The following SRGAP3 variants were observed in gnomAD, a reference collection of about 807,000 sequenced individuals.
SRGAP3 encodes SLIT-ROBO Rho GTPase-activating protein 3.
A neutral mutation model predicts 121.1 loss-of-function variants in SRGAP3; 39 were observed. That is an observed-to-expected ratio of 0.32 (90% CI 0.25 to 0.42). SRGAP3 has a LOEUF of 0.42. Among genes scored for constraint, SRGAP3 ranks in the 10% least tolerant of loss-of-function variants. SRGAP3 has a pLI of 1.00. For synonymous variants in SRGAP3, 601 were observed against 570.0 expected (o/e 1.05, Z -0.77); for missense variants, 1,213 against 1,470.6 (o/e 0.82, Z 2.86).
chr3:9,174,487 C>A (rs758592196), intron 1 of SRGAP3, among the ~76,000 whole-genome samples: 2 of 152,132 alleles, frequency 1.3e-5, no homozygotes, highest in Non-Finnish European at 2.9e-5. Flanking sequence ...GGAAGGAGAG[C>A]AGGAGACTGC....
chr3:9,010,189 G>C, intron 18 of SRGAP3, 119 bp downstream of exon 18: 1 of 1,204,860 alleles, frequency 8.3e-7, no homozygotes, highest in East Asian at 2.5e-5. Context: ...CTGAAGGACA[G>C]ATGGCTGACT....
intron 19 of SRGAP3, among the ~76,000 whole-genome samples, chr3:8,993,746 T>C (rs980573454): frequency 1.3e-5 from 2 of 152,118 alleles, no homozygotes; most frequent in Non-Finnish European, 2.9e-5. Flanking sequence ...CTCAGCTTGG[T>C]GGCTGCCTCT....
At chr3:9,112,770 C>T (rs986608617) in intron 2 of SRGAP3, among the ~76,000 whole-genome samples, 8 of 152,200 alleles carry the variant, frequency 5.3e-5, no homozygotes, top group Non-Finnish European at 1.0e-4. Context: ...TACAGCACTC[C>T]ACACCTGATG....
intron 3 of SRGAP3, among the ~76,000 whole-genome samples, chr3:9,084,257 T>A (rs964257599): frequency 2.6e-5 from 4 of 152,150 alleles, no homozygotes; most frequent in African/African-American, 9.7e-5. Context: ...CAGGAATTCA[T>A]TCCTCCAGGA....
intron 10 of SRGAP3, among the ~76,000 whole-genome samples, chr3:9,044,114 G>T (rs925236645): frequency 6.6e-5 from 10 of 152,132 alleles, no homozygotes; most frequent in African/African-American, 2.2e-4. Context: ...CATGTCTGGG[G>T]TCAATCATGT....
intron 1 of SRGAP3, among the ~76,000 whole-genome samples, chr3:9,171,628 A>G (rs920708507): frequency 6.6e-6 from 1 of 152,238 alleles, no homozygotes; most frequent in Non-Finnish European, 1.5e-5. Flanking sequence ...AAGTTTTTTT[A>G]TTATTATTAA....
At chr3:9,309,664 C>A (rs978337706) in intron 3 of SRGAP3, among the ~76,000 whole-genome samples, 2 of 152,154 alleles carry the variant, frequency 1.3e-5, no homozygotes. Flanking sequence ...CATTCCAGAC[C>A]AGCCTGGCAA....
At chr3:9,047,355 C>T (rs1945340367) in intron 10 of SRGAP3, 36 bp downstream of exon 10, 3 of 1,608,212 alleles carry the variant, frequency 1.9e-6, no homozygotes, top group Non-Finnish European at 2.6e-6. Flanking sequence ...GTGGGGAACG[C>T]AGCACCTCCC....
At chr3:9,312,585 T>C (rs1348285450) in intron 3 of SRGAP3, among the ~76,000 whole-genome samples, 2 of 152,210 alleles carry the variant, frequency 1.3e-5, no homozygotes, top group African/African-American at 4.8e-5. Flanking sequence ...CTGGAAGCAG[T>C]CATGAACGAC....
intron 4 of SRGAP3, among the ~76,000 whole-genome samples, chr3:9,070,026 C>T (rs143834823): frequency 7.8e-4 from 119 of 152,384 alleles, no homozygotes; most frequent in African/African-American, 2.8e-3. Flanking sequence ...AGAGCTGGGA[C>T]TGCAGGCCAG....
At chr3:9,132,329 T>C (rs1478040947) in intron 1 of SRGAP3, among the ~76,000 whole-genome samples, 1 of 152,210 alleles carries the variant, frequency 6.6e-6, no homozygotes, top group Non-Finnish European at 1.5e-5. Context: ...AAACGTCTAA[T>C]GTCATGTGTC....
intron 3 of SRGAP3, among the ~76,000 whole-genome samples, chr3:9,080,843 T>C (rs1427414823): frequency 1.3e-5 from 2 of 152,162 alleles, no homozygotes; most frequent in African/African-American, 4.8e-5. Context: ...GATGAAACCA[T>C]GTAGTTGCAG....
chr3:9,333,334 G>C (rs1955640461), intron 1 of SRGAP3, among the ~76,000 whole-genome samples: 1 of 151,982 alleles, frequency 6.6e-6, no homozygotes, highest in African/African-American at 2.4e-5. Context: ...GATATCTTAG[G>C]GCTCCTTCAC....
intron 1 of SRGAP3, among the ~76,000 whole-genome samples, chr3:9,156,558 C>T (rs150016738): frequency 2.6e-3 from 392 of 152,360 alleles, no homozygotes; most frequent in Middle Eastern, 0.01. Flanking sequence ...AGCTTTCTTT[C>T]TAACCTCCTT....
At chr3:9,117,240 A>G (rs957350677) in intron 2 of SRGAP3, among the ~76,000 whole-genome samples, 3 of 152,220 alleles carry the variant, frequency 2.0e-5, no homozygotes, top group Non-Finnish European at 4.4e-5. Context: ...TGCTCAATTT[A>G]TATGCTACAA....
chr3:9,345,202 A>T lies in SRGAP3; in HGVS notation n.215-14606T>A, dbSNP rs569891617. Among the ~76,000 whole-genome samples the T allele has an allele frequency of 2.2e-4, 34 of 152,334 alleles. No homozygotes were observed. In the East Asian group the frequency reaches 2.3e-3, roughly 10 times the overall value. ...AGAACTGTTGCAGGTTCAAGAACAG[A>T]AAAGCAGGCCAGGCATGATGGCTCA... On this transcript the variant is annotated intron_variant and non_coding_transcript_variant, in intron 1 of 3. Transcript: ENST00000490889.
intron 3 of SRGAP3, among the ~76,000 whole-genome samples, chr3:9,285,298 T>C (rs571677884): frequency 2.0e-5 from 3 of 152,326 alleles, no homozygotes; most frequent in Non-Finnish European, 2.9e-5. Context: ...TCTATTGTTT[T>C]AGTGATTAAT....
At chr3:9,356,210 T>TG (rs1231534314) in intron 1 of SRGAP3, among the ~76,000 whole-genome samples, 1,454 of 139,742 alleles carry the variant, frequency 0.01, 151 homozygotes, top group African/African-American at 0.039. Context: ...TTTTTTTTTT[T>TG]TGAGACAGGA....
At chr3:9,120,409 T>C (rs1948960105) in intron 2 of SRGAP3, among the ~76,000 whole-genome samples, 1 of 152,234 alleles carries the variant, frequency 6.6e-6, no homozygotes, top group Non-Finnish European at 1.5e-5. Context: ...CCCCAAGCCA[T>C]GTTCTTGTCT....
Sources: gnomAD v4.1 joint callset for allele counts (sites outside exome capture counted in the v4.1 genomes callset) on GRCh38, gnomAD v4.1.1 for gene constraint, MANE v1.5 for transcripts, NCBI Gene and HGNC (gene_info 2026-07-23, HGNC 2026-07-21) for gene names.